ATP9B: variants seen among roughly 807,000 people sequenced by gnomAD.
ATP9B encodes the protein probable phospholipid-transporting ATPase IIB.
A neutral mutation model predicts 146.1 loss-of-function variants in ATP9B; 110 were observed. That is an observed-to-expected ratio of 0.75 (90% CI 0.65 to 0.88). The LOEUF is 0.88. ATP9B is among the 40% of genes least tolerant of loss of function. ATP9B has a pLI of 0.00. For synonymous variants in ATP9B, 604 were observed against 569.7 expected (o/e 1.06, Z -0.86); for missense variants, 1,499 against 1,496.4 (o/e 1.00, Z -0.03).
At chr18:79,213,303 A>G (rs2095600012) in intron 10 of ATP9B, among the ~76,000 whole-genome samples, 1 of 152,116 alleles carries the variant, frequency 6.6e-6, no homozygotes, top group Non-Finnish European at 1.5e-5. Context: ...CATTCTAGAG[A>G]TAAGTGCCCT....
At chr18:79,365,878 C>T (rs1179027009) in intron 26 of ATP9B, among the ~76,000 whole-genome samples, 5 of 151,176 alleles carry the variant, frequency 3.3e-5, no homozygotes, top group Non-Finnish European at 7.4e-5. Context: ...AGGACATCTC[C>T]GTGGACGGGG....
chr18:79,094,713 A>G (rs2074642077), intron 1 of ATP9B, among the ~76,000 whole-genome samples: 1 of 152,228 alleles, frequency 6.6e-6, no homozygotes, highest in South Asian at 2.1e-4. Flanking sequence ...CAATGCAGAT[A>G]GAGTCTTCAC....
chr18:79,291,814 C>T lies in ATP9B; in HGVS notation c.1412-11790C>T, dbSNP rs548440858. ...CAAATGGTCAACTGTCAGGATACAT[C>T]GCTCTCTTATTCCACTCTCACCACA... is the stretch of plus-strand genomic sequence containing the variant. On this transcript the variant is annotated intron_variant, in intron 13 of 29. Coordinates refer to ENST00000426216, the MANE Select transcript of ATP9B (RefSeq NM_198531.5). Among the ~76,000 whole-genome samples, 485 of 152,280 alleles carry T rather than the reference C, an allele frequency of 3.2e-3. 2 individuals carry two copies. Among genetic ancestry groups the T allele is most frequent in the African/African-American group, 0.011 (467 of 41,550 alleles).
Position 79,174,272 on chromosome 18 carries a change from C to T in ATP9B, c.779-2541C>T. 1.4e-5 allele frequency: 4 copies of T among 284,548 alleles called. 1 individual carries two copies. Among genetic ancestry groups the T allele is most frequent in the East Asian group, 1.2e-4 (1 of 8,312 alleles). 17.6% of individuals were successfully genotyped at this position (284,548 alleles called of 1,614,324 possible). A position where few individuals can be genotyped will look rare whatever the true frequency, so the allele number is the denominator to read the frequency against. On this transcript the variant is annotated intron_variant, in intron 7 of 29. Coordinates refer to ENST00000426216, the MANE Select transcript of ATP9B (RefSeq NM_198531.5). ...TAATGGACTGCTGCGTCACCATCGT[C>T]CCCTGGAAGACTGCTCATTAAATGG... is the stretch of plus-strand genomic sequence containing the variant.
At chr18:79,083,192 T>C (rs988186161) in intron 1 of ATP9B, among the ~76,000 whole-genome samples, 3 of 152,170 alleles carry the variant, frequency 2.0e-5, no homozygotes, top group African/African-American at 7.2e-5. Flanking sequence ...TCCCAGCGGC[T>C]TTGTTTACAC....
At chr18:79,221,872 A>AT (rs11296944) in intron 11 of ATP9B, among the ~76,000 whole-genome samples, 23,260 of 105,726 alleles carry the variant, frequency 0.22, 2,703 homozygotes, top group South Asian at 0.42. Context: ...TCTTTGGCCA[A>AT]TTTTTTTTTT....
chr18:79,337,556 G>A, intron 19 of ATP9B, 107 bp downstream of exon 19: 4 of 1,443,054 alleles, frequency 2.8e-6, no homozygotes, highest in Non-Finnish European at 3.7e-6. Flanking sequence ...ATGGATGTGA[G>A]AGAGCTCTGT....
intron 11 of ATP9B, among the ~76,000 whole-genome samples, chr18:79,236,674 C>T (rs575139362): frequency 3.3e-5 from 5 of 152,326 alleles, no homozygotes; most frequent in South Asian, 4.1e-4. Flanking sequence ...AAGTGATTGT[C>T]GAAAGGCTGC....
At chr18:79,082,680 G>A (rs891737940) in intron 1 of ATP9B, among the ~76,000 whole-genome samples, 1 of 152,190 alleles carries the variant, frequency 6.6e-6, no homozygotes, top group African/African-American at 2.4e-5. Context: ...CAGGTCTGCT[G>A]GAGTTTGCTG....
At chr18:79,103,847 G>A (rs1036913553) in intron 2 of ATP9B, among the ~76,000 whole-genome samples, 2 of 152,100 alleles carry the variant, frequency 1.3e-5, no homozygotes, top group Non-Finnish European at 2.9e-5. Flanking sequence ...GGTGAGGTAG[G>A]CCCCCACGAC....
At chr18:79,076,157 T>G (rs184945565) in intron 1 of ATP9B, among the ~76,000 whole-genome samples, 1 of 152,350 alleles carries the variant, frequency 6.6e-6, no homozygotes, top group Admixed American at 6.5e-5. Flanking sequence ...ATTAGAACCC[T>G]ATATCAGACA....
intron 6 of ATP9B, chr18:79,146,574 T>G (rs1175035717): frequency 4.7e-6 from 1 of 214,498 alleles, no homozygotes; most frequent in Non-Finnish European, 9.4e-6. Context: ...GAGCTGGCGG[T>G]GTGCAGAGTG....
intron 5 of ATP9B, among the ~76,000 whole-genome samples, chr18:79,129,836 C>G (rs538719980): frequency 6.6e-6 from 1 of 152,082 alleles, no homozygotes; most frequent in Non-Finnish European, 1.5e-5. Context: ...CTCCGTCCCC[C>G]GGCTTCAAGT....
intron 11 of ATP9B, among the ~76,000 whole-genome samples, chr18:79,217,743 A>G (rs1390759917): frequency 6.6e-6 from 1 of 152,188 alleles, no homozygotes; most frequent in Non-Finnish European, 1.5e-5. Flanking sequence ...TATTGCTGGT[A>G]AGACTGTTTT....
In ATP9B at chr18:79,231,803, T is replaced by TATATATATATACACAC. The variant is rs569726473; in HGVS notation, c.1107+17766_1107+17767insTATATATATACACACA. Among the ~76,000 whole-genome samples the TATATATATATACACAC allele has an allele frequency of 5.2e-5, 6 of 114,760 alleles. 1 individual carries two copies. Among genetic ancestry groups the TATATATATATACACAC allele is most frequent in the African/African-American group, 1.7e-4 (5 of 29,492 alleles). The allele number at this position is 114,760 out of a possible 152,430, so 75.3% of individuals were successfully genotyped here. A position where few individuals can be genotyped will look rare whatever the true frequency, so the allele number is the denominator to read the frequency against. On this transcript the variant is annotated intron_variant, in intron 11 of 29. Transcript: ENST00000426216. ...GTATATATATATATATATATATATA[T>TATATATATATACACAC]ACACACACACACCATGGAATACTGC...
chr18:79,315,301 G>C (rs908160854), intron 15 of ATP9B, among the ~76,000 whole-genome samples: 5 of 152,198 alleles, frequency 3.3e-5, no homozygotes, highest in Admixed American at 6.5e-5. Flanking sequence ...GGTTTTGTCA[G>C]ATATATTTGT....
chr18:79,170,408 A>G (rs995426912), intron 7 of ATP9B, among the ~76,000 whole-genome samples: 4 of 152,116 alleles, frequency 2.6e-5, no homozygotes, highest in African/African-American at 9.7e-5. Context: ...CTGTAGTGCA[A>G]TATTTAGAGG....
intron 29 of ATP9B, chr18:79,376,032 G>A: frequency 1.0e-6 from 1 of 985,290 alleles, no homozygotes; most frequent in Non-Finnish European, 1.2e-6. Flanking sequence ...TGCTGGGAGG[G>A]TGACAGGCGA....
chr18:79,082,076 C>T lies in ATP9B; in HGVS notation c.119+12547C>T, dbSNP rs540378406. Among the ~76,000 whole-genome samples the T allele has an allele frequency of 2.1e-4, 32 of 152,256 alleles. No individual in the cohort carries two copies. The South Asian group carries it at 6.2e-3, about 30-fold the overall frequency. On this transcript the variant is annotated intron_variant, in intron 1 of 29. Coordinates refer to ENST00000426216, the MANE Select transcript of ATP9B (RefSeq NM_198531.5). ...CATAGGTTTGGTCTTTTCACATAGT[C>T]CCATGTTTCTTGGAGGCTTTGTTCA...
Sources: allele counts gnomAD v4.1 joint callset (sites outside exome capture counted in the v4.1 genomes callset), GRCh38; gene constraint gnomAD v4.1.1; transcripts MANE v1.5; gene names NCBI Gene and HGNC (gene_info 2026-07-23, HGNC 2026-07-21).